The following CTNS variants were observed in gnomAD, a reference collection of about 807,000 sequenced individuals.
The protein encoded by CTNS is cystinosin.
CTNS carries 27 observed loss-of-function variants against 43.7 expected under a neutral mutation model. The ratio of observed to expected loss-of-function variants is 0.62; its 90% CI spans 0.46 to 0.85. The LOEUF is 0.85. Ranked by LOEUF, CTNS falls within the 40% of genes least tolerant of loss-of-function variation. The pLI is 0.00. For synonymous variants in CTNS, 187 were observed against 190.6 expected (o/e 0.98, Z 0.16); for missense variants, 457 against 475.4 (o/e 0.96, Z 0.36).
intron 10 of CTNS, among the ~76,000 whole-genome samples, chr17:3,658,548 C>T (rs9902843): frequency 0.33 from 50,331 of 152,122 alleles, 9,246 homozygotes; most frequent in African/African-American, 0.5. Context: ...AGCCCCTTCC[C>T]GCGCAGAGCT....
intron 3 of CTNS, among the ~76,000 whole-genome samples, chr17:3,647,228 C>T (rs1464047280): frequency 5.9e-5 from 9 of 152,218 alleles, no homozygotes; most frequent in Non-Finnish European, 1.5e-5. Flanking sequence ...GACGCTCCGG[C>T]GTTTCCTGCT....
In CTNS at chr17:3,661,018, G is replaced by C; in HGVS notation, c.*649G>C. 2.0e-6 allele frequency: 1 copy of C among 497,004 alleles called. No individual in the cohort carries two copies. The highest frequency in any genetic ancestry group is 3.7e-6 in the Non-Finnish European group (1 of 272,336). The allele number at this position is 497,004 out of a possible 1,614,324, so 30.8% of individuals were successfully genotyped here. ...AATTGGATTCATGCCCAGCGCATTA[G>C]CATAGTAACTCCTTTCAGATTTTTT... On this transcript the variant is annotated 3_prime_UTR_variant, in exon 12 of 12. Transcript: ENST00000046640.
chr17:3,646,665 G>A (rs1184436296), intron 3 of CTNS, among the ~76,000 whole-genome samples: 1 of 151,912 alleles, frequency 6.6e-6, no homozygotes, highest in Non-Finnish European at 1.5e-5. Flanking sequence ...TCCAGCTCCT[G>A]GGCTCAAGCA....
rs535508771 is a variant in CTNS, at chr17:3,647,149, A to G, written c.62-295A>G. On this transcript the variant is annotated intron_variant, in intron 3 of 11. Transcript: ENST00000046640. ...TCCCCTGTAATGATTTTTGGGCTCC[A>G]TGGTTCTCTAACAATCTCTGGTTAA... Among the ~76,000 whole-genome samples, 10 of 152,294 alleles carry G rather than the reference A, an allele frequency of 6.6e-5. No homozygotes were observed. The South Asian group carries it at 1.4e-3, about 22-fold the overall frequency.
intron 4 of CTNS, 53 bp from the exon 5 acceptor site, chr17:3,648,794 T>G: frequency 5.3e-5 from 75 of 1,414,534 alleles, no homozygotes; most frequent in Non-Finnish European, 6.5e-5. Context: ...GAGGGTTGGT[T>G]GAGATCTCAC....
At position 3,647,504 on chromosome 17, in the gene CTNS, A is replaced by C. The variant is rs370833328; in HGVS notation, c.122A>C (p.Asn41Thr). ...AAGCTGGAGAACGGCAGCTCGACCA[A>C]CGTCAGCCTCACCCTGCGGTAAGTT... ...VVKLENGSST[N>T]VSLTLRPPLN... is the part of the protein sequence containing the mutation. Residue 41 changes from asparagine to threonine, a missense_variant, in exon 4 of 12, where the codon AAC becomes ACC. Asn to Thr is a moderately conservative substitution (Grantham distance 65, BLOSUM62 0). Transcript: ENST00000046640. 1.7e-4 allele frequency: 277 copies of C among 1,614,008 alleles called. 1 individual carries two copies. The highest frequency in any genetic ancestry group is 3.7e-4 in the South Asian group (34 of 91,086).
chr17:3,644,590 G>A (rs945913679), intron 3 of CTNS, among the ~76,000 whole-genome samples: 2 of 152,108 alleles, frequency 1.3e-5, no homozygotes, highest in African/African-American at 2.4e-5. Context: ...TCAGCCTCCC[G>A]AGTAGCTGGG....
chr17:3,640,982 CT>C (rs1288960849), intron 3 of CTNS, among the ~76,000 whole-genome samples: 1 of 152,096 alleles, frequency 6.6e-6, no homozygotes, highest in African/African-American at 2.4e-5. Context: ...CTGGGAAACA[CT>C]GGGGAAGCAG....
In CTNS at chr17:3,661,084, C is replaced by T. The variant is rs1048649; in HGVS notation, c.*715C>T. ...AGTGGCTTACTCTCTTCTGCCCTCT[C>T]TCCTACCTCCACCTTCTCAGATTAG... On this transcript the variant is annotated 3_prime_UTR_variant, in exon 12 of 12. Transcript: ENST00000046640. 74,019 of 364,382 alleles carry T rather than the reference C, an allele frequency of 0.2. 8,076 individuals are homozygous for T. Among genetic ancestry groups the T allele is most frequent in the East Asian group, 0.23 (3,319 of 14,220 alleles). 22.6% of individuals were successfully genotyped at this position (364,382 alleles called of 1,614,324 possible). A position where few individuals can be genotyped will look rare whatever the true frequency, so the allele number is the denominator to read the frequency against.
chr17:3,642,941 C>T lies in CTNS; in HGVS notation c.61+2674C>T, dbSNP rs2075755380. The stretch of plus-strand genomic sequence containing the variant: ...GACAGGCCTAAGTTTGAATCTTGCC[C>T]TCACCATTTTCAAGCTGTGTGGGCA... On this transcript the variant is annotated intron_variant, in intron 3 of 11. Coordinates refer to ENST00000046640, the MANE Select transcript of CTNS (RefSeq NM_004937.3). Among the ~76,000 whole-genome samples, 2 of 152,158 alleles carry T rather than the reference C, an allele frequency of 1.3e-5. 1 individual carries two copies. The highest frequency in any genetic ancestry group is 4.1e-4 in the South Asian group (2 of 4,830).
chr17:3,653,559 C>A lies in CTNS; in HGVS notation c.226-1439C>A, dbSNP rs561029279. Among the ~76,000 whole-genome samples the A allele has an allele frequency of 2.6e-5, 4 of 152,132 alleles. No homozygotes were observed. In the South Asian group the frequency reaches 8.3e-4, roughly 32 times the overall value. ...TTCAGTAAGGATATCATCCTGCTCC[C>A]CATCACTGCAGCAGGATTTAAGAGT... On this transcript the variant is annotated intron_variant, in intron 5 of 11. Transcript: ENST00000046640.
rs575873753 is a variant in CTNS at position 3,644,339 on chromosome 17, C to T, written c.62-3105C>T. ...AAGTGTCAGAGCCAGGATGGAACTG[C>T]GTGACTTTGGAGCCCAATATCTCAG... is the stretch of plus-strand genomic sequence containing the variant. On this transcript the variant is annotated intron_variant, in intron 3 of 11. Coordinates refer to ENST00000046640, the MANE Select transcript of CTNS (RefSeq NM_004937.3). Among the ~76,000 whole-genome samples the T allele has an allele frequency of 1.1e-4, 16 of 152,304 alleles. No individual in the cohort carries two copies. The East Asian group carries it at 1.5e-3, about 15-fold the overall frequency.
rs1471843051 is a variant in CTNS at position 3,662,860 on chromosome 17, C to T, written c.*2491C>T. ...CAATATCCCACCGCCACCCCCACCC[C>T]GATATCCCAGCCCATGCCTCAGCAA... On this transcript the variant is annotated 3_prime_UTR_variant, in exon 12 of 12. Transcript: ENST00000046640. 3 of 152,164 alleles carry T rather than the reference C, an allele frequency of 2.0e-5. No individual in the cohort carries two copies. Among genetic ancestry groups the T allele is most frequent in the Non-Finnish European group, 4.4e-5 (3 of 68,036 alleles). 9.4% of individuals were successfully genotyped at this position (152,164 alleles called of 1,614,324 possible).
At chr17:3,652,612 G>A (rs898140247) in intron 5 of CTNS, among the ~76,000 whole-genome samples, 4 of 152,000 alleles carry the variant, frequency 2.6e-5, no homozygotes, top group African/African-American at 9.7e-5. Flanking sequence ...AAAATGTCTA[G>A]GATTGTCCCT....
At chr17:3,644,066 G>C (rs955533163) in intron 3 of CTNS, among the ~76,000 whole-genome samples, 3 of 152,164 alleles carry the variant, frequency 2.0e-5, no homozygotes, top group African/African-American at 7.2e-5. Context: ...AAAGATTTTA[G>C]ACTTGGGGGG....
intron 3 of CTNS, among the ~76,000 whole-genome samples, chr17:3,646,422 G>A (rs962341842): frequency 2.6e-5 from 4 of 151,642 alleles, no homozygotes; most frequent in Non-Finnish European, 5.9e-5. Flanking sequence ...AAAGTAGCCG[G>A]GACTACAGGT....
rs75468006 is a variant in CTNS, at chr17:3,652,145, G to A, written c.226-2853G>A. Among the ~76,000 whole-genome samples, 1,376 of 152,246 alleles carry A rather than the reference G, an allele frequency of 9.0e-3. 26 individuals are homozygous for A. The highest frequency in any genetic ancestry group is 0.032 in the African/African-American group (1,330 of 41,540). ...CCGTGATGCTGGAAGCCTCTGGTTA[G>A]AACATGGGAGTTGAGTGGTCTAGGA... On this transcript the variant is annotated intron_variant, in intron 5 of 11. Coordinates refer to ENST00000046640, the MANE Select transcript of CTNS (RefSeq NM_004937.3).
At position 3,648,017 on chromosome 17, in the gene CTNS, G is replaced by A. The variant is rs1200335182; in HGVS notation, c.140+495G>A. 2.6e-5 allele frequency among the ~76,000 whole-genome samples: 4 copies of A among 152,136 alleles called. No homozygotes were observed. The East Asian group carries it at 5.8e-4, about 22-fold the overall frequency. ...ACCTGCTGGCTTAGGCACAAACGTC[G>A]CGACCTAGTCCAGTCTGTGCCAGGG... On this transcript the variant is annotated intron_variant, in intron 4 of 11. Transcript: ENST00000046640.
chr17:3,650,257 GC>G (rs1567704319), intron 5 of CTNS: 2 of 1,550,410 alleles, frequency 1.3e-6, no homozygotes, highest in Admixed American at 2.0e-5. Context: ...TCAGCTCTGA[GC>G]CCCCTAGGAA....
Sources: allele counts gnomAD v4.1 joint callset (sites outside exome capture counted in the v4.1 genomes callset), GRCh38; gene constraint gnomAD v4.1.1; transcripts MANE v1.5; gene names NCBI Gene and HGNC (gene_info 2026-07-23, HGNC 2026-07-21).